The following MACROD2 variants were observed in gnomAD, a reference collection of about 807,000 sequenced individuals.
MACROD2 encodes the protein mono-ADP ribosylhydrolase 2.
A neutral mutation model predicts 70.4 loss-of-function variants in MACROD2; 36 were observed. That is an observed-to-expected ratio of 0.51 (90% CI 0.39 to 0.68). MACROD2 has a LOEUF of 0.68. MACROD2 is among the 30% of genes least tolerant of loss of function. The pLI is 0.00. For missense variants in MACROD2, 496 were observed against 538.4 expected, an observed-to-expected ratio of 0.92 and a Z score of 0.78; for synonymous variants, 172 against 178.8, an observed-to-expected ratio of 0.96 and a Z score of 0.30.
chr20:15,077,395 A>T (rs927501135), intron 5 of MACROD2, among the ~76,000 whole-genome samples: 1 of 152,168 alleles, frequency 6.6e-6, no homozygotes, highest in Non-Finnish European at 1.5e-5. Context: ...AGGGAAAAAA[A>T]GTTATTTCAT....
At position 15,872,508 on chromosome 20, in the gene MACROD2, C is replaced by T. The variant is rs148353618; in HGVS notation, c.727+9682C>T. ...GCCACCTTAACACTGTGTGGCTTTGCGCATGTTGTTTAACCTTTTTCTGCT... is the reference window on the plus strand; with the variant it reads ...GCCACCTTAACACTGTGTGGCTTTGTGCATGTTGTTTAACCTTTTTCTGCT... On this transcript the variant is annotated intron_variant, in intron 9 of 17. Coordinates refer to ENST00000684519, the MANE Select transcript of MACROD2 (RefSeq NM_001351661.2). 8.9e-4 allele frequency among the ~76,000 whole-genome samples: 136 copies of T among 152,228 alleles called. No individual in the cohort carries two copies. In the East Asian group the frequency reaches 0.024, roughly 27 times the overall value.
chr20:14,324,726 T>G (rs2082707017), intron 3 of MACROD2: 1 of 152,096 alleles, frequency 6.6e-6, no homozygotes, highest in African/African-American at 2.4e-5. Flanking sequence ...CAAAATGCAG[T>G]TTTGGTATTT....
intron 7 of MACROD2, among the ~76,000 whole-genome samples, chr20:15,443,167 C>T (rs990184332): frequency 1.3e-5 from 2 of 152,132 alleles, no homozygotes; most frequent in African/African-American, 2.4e-5. Context: ...CTGCAACACT[C>T]TAAGGCTGTG....
chr20:14,466,534 TGTCAAA>T (rs2084452029), intron 3 of MACROD2, among the ~76,000 whole-genome samples: 1 of 152,260 alleles, frequency 6.6e-6, no homozygotes, highest in Non-Finnish European at 1.5e-5. Flanking sequence ...TCTCTCAACT[TGTCAAA>T]GTCATTTTCT....
At chr20:15,720,319 A>G (rs942605640) in intron 8 of MACROD2, among the ~76,000 whole-genome samples, 1 of 152,188 alleles carries the variant, frequency 6.6e-6, no homozygotes, top group East Asian at 1.9e-4. Flanking sequence ...ATACCCAGTG[A>G]TGGGATTGCT....
intron 3 of MACROD2, among the ~76,000 whole-genome samples, chr20:14,387,019 C>T (rs895628751): frequency 2.0e-5 from 3 of 152,154 alleles, no homozygotes; most frequent in Non-Finnish European, 2.9e-5. Flanking sequence ...TAACAGCAGG[C>T]GTATCTCCTT....
intron 3 of MACROD2, among the ~76,000 whole-genome samples, chr20:14,425,458 C>G (rs2083922697): frequency 6.6e-6 from 1 of 152,144 alleles, no homozygotes; most frequent in Admixed American, 6.6e-5. Flanking sequence ...AGACATATAA[C>G]AGCTACAATA....
intron 2 of MACROD2, among the ~76,000 whole-genome samples, chr20:14,060,987 A>G (rs951356731): frequency 6.6e-6 from 1 of 152,146 alleles, no homozygotes; most frequent in Non-Finnish European, 1.5e-5. Context: ...TAATCCTTAT[A>G]CACTAAACAA....
At chr20:15,568,909 G>A (rs2048343073) in intron 8 of MACROD2, among the ~76,000 whole-genome samples, 1 of 152,152 alleles carries the variant, frequency 6.6e-6, no homozygotes, top group South Asian at 2.1e-4. Context: ...GGGAACACCA[G>A]GATTTTAGAA....
chr20:14,111,962 C>T (rs2054457031), intron 3 of MACROD2, among the ~76,000 whole-genome samples: 1 of 151,972 alleles, frequency 6.6e-6, no homozygotes, highest in South Asian at 2.1e-4. Flanking sequence ...CCTAAGTGCC[C>T]ATCAGGAGAT....
intron 3 of MACROD2, among the ~76,000 whole-genome samples, chr20:14,105,079 T>G (rs1442768598): frequency 6.6e-6 from 1 of 152,182 alleles, no homozygotes; most frequent in African/African-American, 2.4e-5. Flanking sequence ...AAATTTTTAT[T>G]TAAATAATGA....
chr20:15,971,917 A>C (rs756306056), intron 13 of MACROD2, among the ~76,000 whole-genome samples: 1 of 152,232 alleles, frequency 6.6e-6, no homozygotes, highest in Non-Finnish European at 1.5e-5. Context: ...TAAATGATGC[A>C]GATGATAGAA....
intron 5 of MACROD2, among the ~76,000 whole-genome samples, chr20:14,728,874 C>G (rs957601956): frequency 6.6e-6 from 1 of 152,100 alleles, no homozygotes; most frequent in African/African-American, 2.4e-5. Context: ...TGATTAATCT[C>G]TACTATTGTG....
At chr20:15,737,472 G>A (rs2051039390) in intron 8 of MACROD2, among the ~76,000 whole-genome samples, 1 of 152,182 alleles carries the variant, frequency 6.6e-6, no homozygotes, top group African/African-American at 2.4e-5. Flanking sequence ...TCCCATCTGT[G>A]TACCAGGGAT....
At chr20:14,368,722 C>T (rs1403487809) in intron 3 of MACROD2, among the ~76,000 whole-genome samples, 2 of 151,996 alleles carry the variant, frequency 1.3e-5, no homozygotes, top group African/African-American at 4.8e-5. Flanking sequence ...CATGTGTGTT[C>T]TCTGAGGTCT....
intron 3 of MACROD2, among the ~76,000 whole-genome samples, chr20:14,297,721 C>T (rs2082439102): frequency 6.6e-6 from 1 of 151,946 alleles, no homozygotes; most frequent in African/African-American, 2.4e-5. Context: ...GTTGTAGAAA[C>T]TGCTGCAAGT....
chr20:14,890,636 C>G (rs2073743351), intron 5 of MACROD2, among the ~76,000 whole-genome samples: 1 of 151,922 alleles, frequency 6.6e-6, no homozygotes, highest in African/African-American at 2.4e-5. Context: ...GTGGCACATT[C>G]CTGTCATCCC....
At chr20:14,645,938 C>T (rs1186839390) in intron 4 of MACROD2, among the ~76,000 whole-genome samples, 1 of 151,720 alleles carries the variant, frequency 6.6e-6, no homozygotes, top group East Asian at 1.9e-4. Context: ...ATCAATAATA[C>T]ATACTCCCTG....
chr20:15,553,865 G>A (rs2048130423), intron 8 of MACROD2, among the ~76,000 whole-genome samples: 1 of 152,240 alleles, frequency 6.6e-6, no homozygotes, highest in Non-Finnish European at 1.5e-5. Flanking sequence ...ATCAGGACTT[G>A]TAGGCCGTTG....
Sources: allele counts gnomAD v4.1 joint callset (sites outside exome capture counted in the v4.1 genomes callset), GRCh38; gene constraint gnomAD v4.1.1; transcripts MANE v1.5; gene names NCBI Gene and HGNC (gene_info 2026-07-23, HGNC 2026-07-21).